The following FUT8 variants were observed in gnomAD, a reference collection of about 807,000 sequenced individuals.
FUT8 encodes fucosyltransferase 8, also known as alpha-(1,6)-fucosyltransferase.
Under a neutral mutation model 71.3 loss-of-function variants are expected in FUT8, and 29 were observed. The observed-to-expected ratio is 0.41, with a 90% CI of 0.30 to 0.55. The LOEUF is 0.55. Ranked by LOEUF, FUT8 falls within the 20% of genes least tolerant of loss-of-function variation. FUT8 has a pLI of 0.34. For synonymous variants in FUT8, 254 were observed against 239.3 expected, an observed-to-expected ratio of 1.06 and a Z score of -0.57; for missense variants, 544 against 702.1, an observed-to-expected ratio of 0.77 and a Z score of 2.55.
intron 1 of FUT8, among the ~76,000 whole-genome samples, chr14:65,433,318 A>G (rs983548965): frequency 1.6e-4 from 24 of 152,188 alleles, no homozygotes; most frequent in African/African-American, 5.8e-4. Flanking sequence ...AGGAAGTTCT[A>G]GTAGGATATG....
intron 3 of FUT8, among the ~76,000 whole-genome samples, chr14:65,608,507 T>A (rs1346376827): frequency 2.0e-5 from 3 of 152,016 alleles, no homozygotes; most frequent in Non-Finnish European, 4.4e-5. Context: ...AGTAATTTAC[T>A]GGTTTTCATA....
At chr14:65,466,524 T>A (rs561286719) in intron 2 of FUT8, among the ~76,000 whole-genome samples, 1 of 152,176 alleles carries the variant, frequency 6.6e-6, no homozygotes, top group South Asian at 2.1e-4. Context: ...CCAAGGCGGG[T>A]GGATCACCTG....
intron 8 of FUT8, 116 bp downstream of exon 8, chr14:65,722,137 G>T (rs1188511615): frequency 7.7e-7 from 1 of 1,303,200 alleles, no homozygotes; most frequent in South Asian, 1.4e-5. Context: ...CCCACCAAAG[G>T]ACAGAGGTTC....
In FUT8 at chr14:65,550,385, A is replaced by G. The variant is rs942497406; in HGVS notation, c.-227-10952A>G. On this transcript the variant is annotated intron_variant, in intron 2 of 10. Coordinates refer to ENST00000673929, the MANE Select transcript of FUT8 (RefSeq NM_001371533.1). The surrounding 1 kb of genome is among the most constrained non-coding windows in gnomAD (Gnocchi z 4.5). ...TACCTTAAATGTGCCCAGAACACTTATATTAGCCTACAGTTGGACAAAATC... is the reference window on the plus strand; with the variant it reads ...TACCTTAAATGTGCCCAGAACACTTGTATTAGCCTACAGTTGGACAAAATC... Among the ~76,000 whole-genome samples, 2 of 152,224 alleles carry G rather than the reference A, an allele frequency of 1.3e-5. No individual in the cohort carries two copies. The highest frequency in any genetic ancestry group is 2.9e-5 in the Non-Finnish European group (2 of 68,024).
At chr14:65,479,392 TACCTTTCTTC>T (rs1683004158) in intron 2 of FUT8, among the ~76,000 whole-genome samples, 1 of 152,218 alleles carries the variant, frequency 6.6e-6, no homozygotes, top group Non-Finnish European at 1.5e-5. Context: ...TTTACACGGT[TACCTTTCTTC>T]ACATTTTCTC....
chr14:65,497,820 C>T (rs1225597661), intron 2 of FUT8, among the ~76,000 whole-genome samples: 1 of 151,908 alleles, frequency 6.6e-6, no homozygotes, highest in African/African-American at 2.4e-5. Context: ...TCTCAATTTA[C>T]TATAAAATAT....
intron 7 of FUT8, among the ~76,000 whole-genome samples, chr14:65,713,267 A>G (rs763601737): frequency 1.1e-4 from 16 of 152,166 alleles, no homozygotes; most frequent in African/African-American, 2.4e-4. Flanking sequence ...ATAGTACTAC[A>G]TTGTGTATAT....
chr14:65,530,970 T>C (rs557834462), intron 2 of FUT8, among the ~76,000 whole-genome samples: 2 of 146,942 alleles, frequency 1.4e-5, no homozygotes, highest in Non-Finnish European at 3.0e-5. Context: ...GTAAAAAGTA[T>C]GGGAACTTTT....
At chr14:65,493,179 A>G (rs1470720110) in intron 2 of FUT8, among the ~76,000 whole-genome samples, 1 of 152,156 alleles carries the variant, frequency 6.6e-6, no homozygotes, top group Non-Finnish European at 1.5e-5. Context: ...TTTCCAGGGC[A>G]TAGAGGATTA....
At chr14:65,412,728 C>T (rs1228774469), upstream of FUT8, 1 of 174,286 alleles carries the variant, frequency 5.7e-6, no homozygotes, top group Non-Finnish European at 1.2e-5. Context: ...GCGCGCTCCC[C>T]CATTCGCGCG....
At position 65,574,927 on chromosome 14, in the gene FUT8, C is replaced by T. The variant is rs11622014; in HGVS notation, c.203+13161C>T. Among the ~76,000 whole-genome samples, 53,380 of 151,970 alleles carry T rather than the reference C, an allele frequency of 0.35. 11,711 individuals are homozygous for T. Among genetic ancestry groups the T allele is most frequent in the Non-Finnish European group, 0.49 (33,498 of 67,940 alleles). On this transcript the variant is annotated intron_variant, in intron 3 of 10. Coordinates refer to ENST00000673929, the MANE Select transcript of FUT8 (RefSeq NM_001371533.1). This position sits in a 1 kb window ranked among gnomAD's most constrained non-coding sequence, Gnocchi z 5.2. ...TGCTGAACAGATACTTCATTTATTT[C>T]GTTGATGTTGCAGGATTAATATTGT...
intron 1 of FUT8, among the ~76,000 whole-genome samples, chr14:65,415,373 T>G (rs2065203731): frequency 1.3e-5 from 2 of 152,182 alleles, no homozygotes; most frequent in South Asian, 4.1e-4. Flanking sequence ...TTTAAAAAAG[T>G]CTTTTCATGC....
At chr14:65,629,316 G>A (rs1890054936) in intron 5 of FUT8, among the ~76,000 whole-genome samples, 176 bp from the exon 6 acceptor site, 1 of 152,114 alleles carries the variant, frequency 6.6e-6, no homozygotes, top group African/African-American at 2.4e-5. Flanking sequence ...AATGACTATT[G>A]GATTTTAAGA....
At chr14:65,398,381 ATTAC>A in the FUT8 span, among the ~76,000 whole-genome samples, 3 of 152,266 alleles carry the variant, frequency 2.0e-5, no homozygotes, top group South Asian at 4.2e-4. Flanking sequence ...TATTAAAAAA[ATTAC>A]TTATTTATTT....
intron 7 of FUT8, among the ~76,000 whole-genome samples, chr14:65,699,168 A>ACACT (rs992482726): frequency 6.8e-6 from 1 of 147,956 alleles, no homozygotes; most frequent in African/African-American, 2.6e-5. Context: ...ACACACACAC[A>ACACT]CACACACACA....
chr14:65,739,146 ATGAGT>A (rs1435341938), intron 10 of FUT8, among the ~76,000 whole-genome samples: 1 of 152,086 alleles, frequency 6.6e-6, no homozygotes, highest in Non-Finnish European at 1.5e-5. Context: ...TAATAGTTAA[ATGAGT>A]TGAGACAAGG....
intron 3 of FUT8, among the ~76,000 whole-genome samples, chr14:65,580,167 A>G (rs944879532): frequency 1.3e-5 from 2 of 150,862 alleles, no homozygotes; most frequent in African/African-American, 2.4e-5. Flanking sequence ...TATGAACATC[A>G]TAGAGTATAC....
At chr14:65,566,120 A>G (rs1886181982) in intron 3 of FUT8, among the ~76,000 whole-genome samples, 1 of 151,932 alleles carries the variant, frequency 6.6e-6, no homozygotes, top group African/African-American at 2.4e-5. Context: ...GGGCAGTCCA[A>G]GATGACCTCA....
At chr14:65,711,651 A>G (rs1055104751) in intron 7 of FUT8, among the ~76,000 whole-genome samples, 2 of 151,998 alleles carry the variant, frequency 1.3e-5, no homozygotes, top group Non-Finnish European at 2.9e-5. Context: ...CTAATTATTT[A>G]CTCTTATACT....
Sources: gnomAD v4.1 joint callset for allele counts (sites outside exome capture counted in the v4.1 genomes callset) on GRCh38, gnomAD v4.1.1 for gene constraint, Gnocchi (gnomAD v3.1) non-coding constraint, MANE v1.5 for transcripts, NCBI Gene and HGNC (gene_info 2026-07-23, HGNC 2026-07-21) for gene names.